The following EXTL3 variants were observed in gnomAD, a reference collection of about 807,000 sequenced individuals.
The protein encoded by EXTL3 is exostosin-like 3.
In EXTL3, 27 loss-of-function variants were observed where a neutral mutation model predicts 69.3. The observed-to-expected ratio is 0.39, with a 90% CI of 0.29 to 0.54. The LOEUF is 0.54. EXTL3 is among the 20% of genes least tolerant of loss of function. The probability of loss-of-function intolerance (pLI) is 0.69; values close to 1 mark genes in which losing one functional copy is unlikely to be tolerated. For synonymous variants in EXTL3, 511 were observed against 499.4 expected, an observed-to-expected ratio of 1.02 and a Z score of -0.31; for missense variants, 1,003 against 1,231.8, an observed-to-expected ratio of 0.81 and a Z score of 2.78.
chr8:28,686,021 ATG>A (rs1807571680), intron 1 of EXTL3: 1 of 151,996 alleles, frequency 6.6e-6, no homozygotes, highest in African/African-American at 2.4e-5. Context: ...GACTGCCACC[ATG>A]CCCAGTTAAT....
At chr8:28,629,398 G>A (rs951880673) in intron 1 of EXTL3, among the ~76,000 whole-genome samples, 11 of 152,092 alleles carry the variant, frequency 7.2e-5, no homozygotes, top group Non-Finnish European at 1.2e-4. Flanking sequence ...AAGTGGTGAC[G>A]TTAGAGTGAG....
chr8:28,692,556 A>G (rs969490080), intron 1 of EXTL3, among the ~76,000 whole-genome samples: 2 of 152,218 alleles, frequency 1.3e-5, no homozygotes, highest in Non-Finnish European at 2.9e-5. Flanking sequence ...CTTTCCATAC[A>G]TAAAGTCCAA....
chr8:28,691,572 A>ATTTGTTTTTTTTTTTTTTTTTTTTTTTT (rs1800612704), intron 1 of EXTL3, among the ~76,000 whole-genome samples: 1 of 135,494 alleles, frequency 7.4e-6, no homozygotes, highest in African/African-American at 3.2e-5. Flanking sequence ...AGTTTTTGTG[A>ATTTGTTTTTTTTTTTTTTTTTTTTTTTT]TTTTTTTTTT....
chr8:28,671,788 G>T (rs1585242913), intron 1 of EXTL3, among the ~76,000 whole-genome samples: 1 of 152,218 alleles, frequency 6.6e-6, no homozygotes, highest in African/African-American at 2.4e-5. Flanking sequence ...GAGGAAAAGG[G>T]AACCCTAGAA....
At chr8:28,619,991 C>A (rs1016452143), upstream of EXTL3, among the ~76,000 whole-genome samples, 3 of 151,086 alleles carry the variant, frequency 2.0e-5, no homozygotes, top group Admixed American at 2.0e-4. Context: ...CTGCCTCAAC[C>A]TCCCGAGTAG....
chr8:28,726,879 C>CTTTTTTTTTTTTT (rs11458194), intron 3 of EXTL3, among the ~76,000 whole-genome samples: 9 of 99,944 alleles, frequency 9.0e-5, no homozygotes, highest in Admixed American at 2.2e-4. Flanking sequence ...CTTTTCTTTT[C>CTTTTTTTTTTTTT]TTTTTTTTTT....
At chr8:28,738,618 C>G (rs1048666384) in intron 5 of EXTL3, among the ~76,000 whole-genome samples, 6 of 152,142 alleles carry the variant, frequency 3.9e-5, no homozygotes, top group African/African-American at 1.4e-4. Context: ...TGGCATTACC[C>G]CCACTGCCCA....
intron 1 of EXTL3, among the ~76,000 whole-genome samples, chr8:28,626,139 T>G (rs569531616): frequency 6.2e-5 from 9 of 145,534 alleles, no homozygotes; most frequent in African/African-American, 2.3e-4. Flanking sequence ...ACCATTGCAC[T>G]ACAATCTGGG....
intron 1 of EXTL3, among the ~76,000 whole-genome samples, chr8:28,702,596 C>A (rs1295953302): frequency 2.0e-5 from 3 of 150,386 alleles, no homozygotes; most frequent in African/African-American, 4.9e-5. Context: ...CCCTTCCCCG[C>A]AACCTGGATT....
At chr8:28,688,293 G>T (rs552007593) in intron 1 of EXTL3, among the ~76,000 whole-genome samples, 152 of 152,208 alleles carry the variant, frequency 1.0e-3, no homozygotes, top group African/African-American at 3.4e-3. Context: ...TCGAACTCCT[G>T]ACCTCAGGTG....
At chr8:28,703,527 G>T (rs1291804784) in intron 1 of EXTL3, among the ~76,000 whole-genome samples, 1 of 152,114 alleles carries the variant, frequency 6.6e-6, no homozygotes, top group Non-Finnish European at 1.5e-5. Context: ...TTTCCGCAGG[G>T]CCCTAGGCCA....
rs60021378 is a variant in EXTL3 at position 28,655,489 on chromosome 8, C to CTTTT, written c.-53+32694_-53+32697dup. 5.3e-5 allele frequency among the ~76,000 whole-genome samples: 7 copies of CTTTT among 131,000 alleles called. No individual in the cohort carries two copies. The East Asian group carries it at 6.6e-4, about 12-fold the overall frequency. The allele number at this position is 131,000 out of a possible 152,430, so 85.9% of individuals were successfully genotyped here. On this transcript the variant is annotated intron_variant, in intron 1 of 6. Coordinates refer to the EXTL3 transcript ENST00000523149. ...ATATACCTTGAGAATAAAAATCTTCCTTTTTTTTTTTTTTTTTTGAGACAG... is the reference window on the plus strand; with the variant it reads ...ATATACCTTGAGAATAAAAATCTTCCTTTTTTTTTTTTTTTTTTTTTTGAGACAG...
rs374697398 is a variant in EXTL3, at chr8:28,717,359, A to G, written c.1300A>G (p.Ile434Val). 5.6e-6 allele frequency: 9 copies of G among 1,614,040 alleles called. No individual in the cohort carries two copies. In the African/African-American group the frequency reaches 8.0e-5, roughly 14 times the overall value. Residue 434 changes from isoleucine to valine, a missense_variant, in exon 3 of 7, where the codon ATT becomes GTT. By Grantham distance (29) the Ile-to-Val change is conservative. This residue lies in a region of EXTL3 where 742 missense variants were observed against 815.4 expected (regional missense o/e 0.91). Coordinates refer to ENST00000220562, the MANE Select transcript of EXTL3 (RefSeq NM_001440.4). The surrounding 1 kb of genome is among the most constrained non-coding windows in gnomAD (Gnocchi z 8.3). ...LLKLSTFALI[I>V]TPGDPRLVIS... is the part of the protein sequence containing the mutation. ...GAAGCTCTCCACCTTCGCCCTCATCATTACCCCCGGGGACCCTCGCTTGGT... is the reference window on the plus strand; with the variant it reads ...GAAGCTCTCCACCTTCGCCCTCATCGTTACCCCCGGGGACCCTCGCTTGGT...
intron 1 of EXTL3, chr8:28,678,217 C>CT (rs1807420532): frequency 6.6e-6 from 1 of 152,224 alleles, no homozygotes; most frequent in Admixed American, 6.5e-5. Context: ...GACCCTGCAC[C>CT]TAGTCTCATC....
intron 1 of EXTL3, among the ~76,000 whole-genome samples, chr8:28,655,594 C>T (rs1243839165): frequency 1.3e-5 from 2 of 150,174 alleles, no homozygotes; most frequent in African/African-American, 2.5e-5. Flanking sequence ...TGGGCTTAGG[C>T]GATCTTCCCA....
intron 1 of EXTL3, among the ~76,000 whole-genome samples, chr8:28,645,695 G>T (rs908556639): frequency 6.6e-6 from 1 of 151,470 alleles, no homozygotes; most frequent in South Asian, 2.1e-4. Context: ...TATTCTCTCT[G>T]TTTTTTTCTT....
At chr8:28,655,603 C>G (rs963270691) in intron 1 of EXTL3, among the ~76,000 whole-genome samples, 11 of 151,866 alleles carry the variant, frequency 7.2e-5, no homozygotes, top group African/African-American at 2.7e-4. Context: ...GCGATCTTCC[C>G]ACCTCAGCCT....
intron 1 of EXTL3, among the ~76,000 whole-genome samples, chr8:28,689,977 G>A (rs947281547): frequency 6.6e-6 from 1 of 152,074 alleles, no homozygotes; most frequent in Non-Finnish European, 1.5e-5. Context: ...TTGCTGATCC[G>A]ATCTCTCTTC....
intron 1 of EXTL3, among the ~76,000 whole-genome samples, chr8:28,627,961 TAC>T (rs1471849671): frequency 6.6e-6 from 1 of 152,076 alleles, no homozygotes; most frequent in African/African-American, 2.4e-5. Context: ...GTTTAATGGG[TAC>T]AGAGTTTCAG....
Sources: allele counts gnomAD v4.1 joint callset (sites outside exome capture counted in the v4.1 genomes callset), GRCh38; gene constraint gnomAD v4.1.1; regional missense constraint gnomAD v4.1.1; non-coding constraint Gnocchi (gnomAD v3.1); transcripts MANE v1.5; gene names NCBI Gene and HGNC (gene_info 2026-07-23, HGNC 2026-07-21).